The following ZNF705G variants were observed in gnomAD, a reference collection of about 807,000 sequenced individuals.
ZNF705G encodes putative zinc finger protein 705G.
A neutral mutation model predicts 19.6 loss-of-function variants in ZNF705G; 23 were observed. That is an observed-to-expected ratio of 1.17 (90% confidence interval 0.84 to 1.66). ZNF705G has a LOEUF of 1.66. ZNF705G is among the 40% of genes most tolerant of loss of function. ZNF705G has a pLI of 0.00. For missense variants in ZNF705G, 457 were observed against 354.4 expected, an observed-to-expected ratio of 1.29 and a Z score of -2.32; for synonymous variants, 146 against 117.7, an observed-to-expected ratio of 1.24 and a Z score of -1.56.
intron 2 of ZNF705G, among the ~76,000 whole-genome samples, chr8:7,380,374 C>T (rs1417615798): frequency 1.8e-4 from 27 of 147,582 alleles, no homozygotes; most frequent in Non-Finnish European, 5.9e-5. Flanking sequence ...CTGTGCATGC[C>T]TTCTTGTGAA....
intron 2 of ZNF705G, among the ~76,000 whole-genome samples, chr8:7,380,326 G>A (rs1489632928): frequency 6.8e-6 from 1 of 147,274 alleles, no homozygotes; most frequent in Non-Finnish European, 1.5e-5. Flanking sequence ...TGTCCAGGAG[G>A]CTGGGGATCA....
rs56371557 is a variant in ZNF705G at position 7,358,447 on chromosome 8, A to G, written c.432T>C (p.Tyr144=). The G allele has an allele frequency of 6.8e-3, 10,917 of 1,606,358 alleles. 8 individuals are homozygous for G. The highest frequency in any genetic ancestry group is 8.0e-3 in the Non-Finnish European group (9,409 of 1,178,546). Residue 144 remains tyrosine, a synonymous_variant, in exon 7 of 7, where the codon TAT becomes TAC. Transcript: ENST00000400156. The part of the protein sequence containing the change: ...CLLTHSGKKP[Y]VSKQCGKSLR... Reference sequence around the variant, plus strand: ...GGGATTTTCCACACTGTTTGCTGACATAGGGTTTCTTTCCACTATGAGTTA... The same window carrying G: ...GGGATTTTCCACACTGTTTGCTGACGTAGGGTTTCTTTCCACTATGAGTTA...
chr8:7,370,709 C>T (rs1287302691), intron 2 of ZNF705G, among the ~76,000 whole-genome samples: 1 of 136,404 alleles, frequency 7.3e-6, no homozygotes, highest in Middle Eastern at 3.2e-3. Context: ...AATCCCATTA[C>T]TGGGTATATA....
Position 7,362,994 on chromosome 8 carries a change from A to G in ZNF705G, c.-48T>C, listed in dbSNP as rs1370011470. ...TGTCTTCCTCTGGATTTCCACTTGC[A>G]GACACTTTAGGCACTAAGAAAAGCT... On this transcript the variant is annotated 5_prime_UTR_variant, in exon 3 of 7. Coordinates refer to ENST00000400156, the MANE Select transcript of ZNF705G (RefSeq NM_001164457.3). 1 of 1,585,622 alleles carries G rather than the reference A, an allele frequency of 6.3e-7. No individual in the cohort carries two copies. Among genetic ancestry groups the G allele is most frequent in the Non-Finnish European group, 8.5e-7 (1 of 1,175,756 alleles).
chr8:7,361,498 A>G (rs1238827387), intron 3 of ZNF705G, among the ~76,000 whole-genome samples: 3 of 149,782 alleles, frequency 2.0e-5, no homozygotes, highest in African/African-American at 7.7e-5. Context: ...TTTTTCAGTA[A>G]TGTGTTAATC....
Position 7,357,385 on chromosome 8 carries a change from C to T in ZNF705G, c.*591G>A, listed in dbSNP as rs1806322639. ...CACTCTTCTCTTGTGAACATCAAGC[C>T]TGGTGCTTGGCTGAATGTTCATTCA... On this transcript the variant is annotated 3_prime_UTR_variant, in exon 7 of 7. Transcript: ENST00000400156. The T allele has an allele frequency of 6.3e-6, 1 of 157,644 alleles. No individual in the cohort carries two copies. The highest frequency in any genetic ancestry group is 2.6e-5 in the African/African-American group (1 of 39,182). The allele number at this position is 157,644 out of a possible 1,614,324, so 9.8% of individuals were successfully genotyped here.
At chr8:7,358,597 C>A (rs750281852) in intron 6 of ZNF705G, 37 bp from the exon 7 acceptor site, 8 of 1,605,044 alleles carry the variant, frequency 5.0e-6, no homozygotes, top group South Asian at 1.1e-5. Context: ...AATGGTTTAC[C>A]CACATATATC....
intron 2 of ZNF705G, among the ~76,000 whole-genome samples, chr8:7,363,386 C>T (rs1253528885): frequency 2.7e-5 from 4 of 148,520 alleles, no homozygotes; most frequent in Non-Finnish European, 5.9e-5. Flanking sequence ...TGGGATTTCT[C>T]AGATTTTATT....
At position 7,358,093 on chromosome 8, in the gene ZNF705G, C is replaced by T; in HGVS notation, c.786G>A (p.Gly262=). The change falls in exon 7 of 7, where the codon GGG becomes GGA. Residue 262 remains glycine, a synonymous_variant. Transcript: ENST00000400156. ...AGCCAGAGCTTTGACTAAAGGCTTT[C>T]CCACTTTTATCACATTCATAACACT... ...GKKCYECDKS[G]KAFSQSSGFR... is the part of the protein sequence containing the mutation. 2 of 1,608,000 alleles carry T rather than the reference C, an allele frequency of 1.2e-6. No individual in the cohort carries two copies. Among genetic ancestry groups the T allele is most frequent in the Non-Finnish European group, 1.7e-6 (2 of 1,179,776 alleles).
rs1402722510 is a variant in ZNF705G at position 7,359,055 on chromosome 8, A to G, written c.319-495T>C. On this transcript the variant is annotated intron_variant, in intron 6 of 6. Transcript: ENST00000400156. ...TGTTTATGTCATCTTATGTAAAAAA[A>G]TCCAGATTCACTGAGCCAGAAAAAT... Among the ~76,000 whole-genome samples, 3 of 149,636 alleles carry G rather than the reference A, an allele frequency of 2.0e-5. 1 individual carries two copies. The South Asian group carries it at 6.3e-4, about 31-fold the overall frequency.
chr8:7,381,026 C>CAAA (rs1410321278), intron 2 of ZNF705G, among the ~76,000 whole-genome samples: 149 of 12,240 alleles, frequency 0.012, 30 homozygotes, highest in African/African-American at 0.017. Flanking sequence ...AAACCACCAC[C>CAAA]AAAAAAAAAA....
intron 2 of ZNF705G, among the ~76,000 whole-genome samples, chr8:7,363,573 C>A (rs1261439827): frequency 6.7e-6 from 1 of 149,674 alleles, no homozygotes; most frequent in Non-Finnish European, 1.5e-5. Flanking sequence ...GTAATCCCAG[C>A]ACTTTGGGAG....
In ZNF705G at chr8:7,361,083, T is replaced by C. The variant is rs779783932; in HGVS notation, c.139+27A>G. The C allele has an allele frequency of 9.4e-6, 15 of 1,592,740 alleles. 1 individual carries two copies. In the African/African-American group the frequency reaches 1.4e-4, roughly 15 times the overall value. ...ATGAATGAGTGAATGTGTCTCTACATATGTACATGAATGTTCAGGGACTCA... is the reference window on the plus strand; with the variant it reads ...ATGAATGAGTGAATGTGTCTCTACACATGTACATGAATGTTCAGGGACTCA... On this transcript the variant is annotated intron_variant, in intron 4 of 6. Transcript: ENST00000400156.
rs1806885114 is a variant in ZNF705G at position 7,366,960 on chromosome 8, A to C, written c.-71-3943T>G. On this transcript the variant is annotated intron_variant, in intron 2 of 6. Transcript: ENST00000400156. Reference sequence around the variant, plus strand: ...TATTACTACTAAGGATATGCCATTTAGTTATTTAATTATAATTTATTTACA... The same window carrying C: ...TATTACTACTAAGGATATGCCATTTCGTTATTTAATTATAATTTATTTACA... Among the ~76,000 whole-genome samples the C allele has an allele frequency of 1.3e-5, 2 of 149,834 alleles. 1 individual carries two copies. Among genetic ancestry groups the C allele is most frequent in the African/African-American group, 5.1e-5 (2 of 39,196 alleles).
At chr8:7,383,140 T>C (rs1405679798) in intron 1 of ZNF705G, among the ~76,000 whole-genome samples, 3 of 150,180 alleles carry the variant, frequency 2.0e-5, no homozygotes, top group Non-Finnish European at 4.4e-5. Context: ...TTTTTTTTTT[T>C]TTTTTTGCTA....
At position 7,368,986 on chromosome 8, in the gene ZNF705G, C is replaced by T. The variant is rs1323587184; in HGVS notation, c.-71-5969G>A. ...TACAAAAGAAAGAGGTTTAATTGGA[C>T]TTACAGTTCCACATGGCTGGGGGGA... On this transcript the variant is annotated intron_variant, in intron 2 of 6. Coordinates refer to ENST00000400156, the MANE Select transcript of ZNF705G (RefSeq NM_001164457.3). Among the ~76,000 whole-genome samples the T allele has an allele frequency of 1.7e-4, 25 of 149,626 alleles. 1 individual carries two copies. Among genetic ancestry groups the T allele is most frequent in the African/African-American group, 2.8e-4 (11 of 39,014 alleles).
rs1438240518 is a variant in ZNF705G at position 7,376,078 on chromosome 8, A to G, written c.-72+5374T>C. ...TAGCTGACTACTTACAGATAAAAGGAAGAGATGGAAAGCTCAGGGATCAAA... is the reference window on the plus strand; with the variant it reads ...TAGCTGACTACTTACAGATAAAAGGGAGAGATGGAAAGCTCAGGGATCAAA... On this transcript the variant is annotated intron_variant, in intron 2 of 6. Coordinates refer to ENST00000400156, the MANE Select transcript of ZNF705G (RefSeq NM_001164457.3). 5.5e-5 allele frequency among the ~76,000 whole-genome samples: 5 copies of G among 91,722 alleles called. 1 individual carries two copies. The highest frequency in any genetic ancestry group is 1.1e-4 in the Non-Finnish European group (5 of 47,230). 60.2% of individuals were successfully genotyped at this position (91,722 alleles called of 152,430 possible).
chr8:7,361,055 T>A, intron 4 of ZNF705G, 55 bp downstream of exon 4: 3 of 1,592,370 alleles, frequency 1.9e-6, no homozygotes, highest in Non-Finnish European at 2.5e-6. Flanking sequence ...TAACACTTAT[T>A]GAATGAATGA....
chr8:7,362,747 A>C (rs1174391502), intron 3 of ZNF705G, among the ~76,000 whole-genome samples, 188 bp downstream of exon 3: 1 of 149,380 alleles, frequency 6.7e-6, no homozygotes, highest in Non-Finnish European at 1.5e-5. Flanking sequence ...GAGAAAACTT[A>C]ATGGGGGGCC....
Sources: gnomAD v4.1 joint callset for allele counts (sites outside exome capture counted in the v4.1 genomes callset) on GRCh38, gnomAD v4.1.1 for gene constraint, MANE v1.5 for transcripts, NCBI Gene and HGNC (gene_info 2026-07-23, HGNC 2026-07-21) for gene names.